Variants in STX12 observed in about 807,000 individuals in gnomAD.
STX12 encodes the protein syntaxin 12.
Under a neutral mutation model 42.2 loss-of-function variants are expected in STX12, and 17 were observed. That is an observed-to-expected ratio of 0.40 (90% confidence interval 0.28 to 0.60). STX12 has a LOEUF of 0.60. Ranked by LOEUF, STX12 falls within the 20% of genes least tolerant of loss-of-function variation. The pLI is 0.39. For missense variants in STX12, 297 were observed against 330.9 expected (o/e 0.90, Z 0.79); for synonymous variants, 108 against 116.7 (o/e 0.93, Z 0.48).
chr1:27,819,680 A>G lies in STX12; in HGVS notation c.680A>G (p.Glu227Gly). 6.2e-7 allele frequency: 1 copy of G among 1,613,942 alleles called. No individual in the cohort carries two copies. Among genetic ancestry groups the G allele is most frequent in the Non-Finnish European group, 8.5e-7 (1 of 1,179,866 alleles). The change falls in exon 8 of 9, where the codon GAG becomes GGG. Residue 227 changes from glutamate to glycine, a missense_variant. Physicochemically the swap from Glu to Gly is moderately conservative, Grantham distance 98. Transcript: ENST00000373943. The stretch of plus-strand genomic sequence containing the variant: ...ATAGAAGCCAATGTGGAAAGCTCAG[A>G]GGTGCACGTCGAAAGAGCCACTGAA... ...DSIEANVESS[E>G]VHVERATEQL... is the part of the protein sequence containing the mutation.
At chr1:27,821,029 TGG>T (rs2088979893) in intron 8 of STX12, among the ~76,000 whole-genome samples, 1 of 81,258 alleles carries the variant, frequency 1.2e-5, no homozygotes, top group Non-Finnish European at 2.3e-5. Flanking sequence ...TGTTGTGGGG[TGG>T]GGGGAGGGAT....
chr1:27,773,485 C>G, intron 1 of STX12, 60 bp downstream of exon 1: 1 of 1,516,082 alleles, frequency 6.6e-7, no homozygotes, highest in Non-Finnish European at 9.1e-7. Context: ...CTGGGTGAGG[C>G]TGCCGGGACG....
chr1:27,792,447 G>A (rs2148600541), intron 2 of STX12, among the ~76,000 whole-genome samples: 1 of 150,700 alleles, frequency 6.6e-6, no homozygotes, highest in East Asian at 1.9e-4. Context: ...TTTTTCCAGG[G>A]AAATGTGAAA....
At chr1:27,802,671 GACAC>G (rs959010360) in intron 4 of STX12, among the ~76,000 whole-genome samples, 81 of 152,292 alleles carry the variant, frequency 5.3e-4, no homozygotes, top group African/African-American at 1.8e-3. Context: ...TCTGTAGAAA[GACAC>G]CTTTATCCTA....
chr1:27,794,880 C>G (rs1391442210), intron 3 of STX12, among the ~76,000 whole-genome samples: 1 of 152,018 alleles, frequency 6.6e-6, no homozygotes, highest in Non-Finnish European at 1.5e-5. Flanking sequence ...CACCACCACA[C>G]GCAGCTAAAT....
At chr1:27,779,957 A>G (rs768512683) in intron 1 of STX12, among the ~76,000 whole-genome samples, 20 of 151,198 alleles carry the variant, frequency 1.3e-4, no homozygotes, top group Non-Finnish European at 2.4e-4. Context: ...ACGCCCGGCT[A>G]ATTTTGTATT....
intron 1 of STX12, among the ~76,000 whole-genome samples, chr1:27,780,905 G>C (rs1383396842): frequency 6.6e-6 from 1 of 151,712 alleles, no homozygotes; most frequent in Non-Finnish European, 1.5e-5. Flanking sequence ...GTAGCAGTGA[G>C]CCGAGATCAC....
At chr1:27,795,878 T>C (rs141801232) in intron 3 of STX12, among the ~76,000 whole-genome samples, 1 of 152,252 alleles carries the variant, frequency 6.6e-6, no homozygotes, top group East Asian at 1.9e-4. Context: ...GCTGCCAAGT[T>C]ACCCATTTCT....
At chr1:27,794,007 TTAA>T in intron 3 of STX12, among the ~76,000 whole-genome samples, 1 of 151,550 alleles carries the variant, frequency 6.6e-6, no homozygotes, top group African/African-American at 2.4e-5. Flanking sequence ...TTTTTTTTTT[TTAA>T]TTATTATTAT....
rs1343204846 is a variant in STX12, at chr1:27,817,000, GAAGGA to G, written c.577-841_577-837del. 1.0e-4 allele frequency among the ~76,000 whole-genome samples: 15 copies of G among 146,356 alleles called. No homozygotes were observed. The South Asian group carries it at 2.7e-3, about 26-fold the overall frequency. ...GAAAAAAGGAAGGAAGGGGAGGGAG[GAAGGA>G]AAGGAAAGGGAAGGGAGAGAGAGAG... On this transcript the variant is annotated intron_variant, in intron 6 of 8. Transcript: ENST00000373943.
At position 27,801,765 on chromosome 1, in the gene STX12, GA is replaced by G; in HGVS notation, c.380del (p.Lys127ArgfsTer81). On this transcript the variant is annotated frameshift_variant, in exon 4 of 9. Coordinates refer to ENST00000373943, the MANE Select transcript of STX12 (RefSeq NM_177424.3). LOFTEE classifies it high-confidence loss of function. ...NFQAVQRRVS[E>X]KEKESIARAR... ...CCAGGCTGTGCAGAGAAGGGTATCTGAAAAGGAAAAGGAGAGTATTGCCAGA... is the reference window on the plus strand; with the variant it reads ...CCAGGCTGTGCAGAGAAGGGTATCTGAAAGGAAAAGGAGAGTATTGCCAGA... 6.3e-7 allele frequency: 1 copy of G among 1,596,568 alleles called. No homozygotes were observed. The highest frequency in any genetic ancestry group is 1.8e-5 in the Admixed American group (1 of 55,988).
intron 3 of STX12, among the ~76,000 whole-genome samples, 159 bp downstream of exon 3, chr1:27,793,791 G>A (rs1225996215): frequency 6.6e-6 from 1 of 152,098 alleles, no homozygotes; most frequent in Non-Finnish European, 1.5e-5. Context: ...ATATGTGACT[G>A]TTGGGGCAAT....
chr1:27,790,943 AAAAAAT>A (rs1278553196), intron 2 of STX12, among the ~76,000 whole-genome samples: 1 of 151,204 alleles, frequency 6.6e-6, no homozygotes, highest in African/African-American at 2.4e-5. Flanking sequence ...CTCTGTCTCA[AAAAAAT>A]AAAAATAAAA....
chr1:27,793,616 T>C lies in STX12; in HGVS notation c.272T>C (p.Leu91Ser), dbSNP rs1356368809. ...LKELGSLPLP[L>S]STSEQRQQRL... ...GAATTAGGGTCCTTGCCCCTTCCCT[T>C]ATCTACTTCAGAACAGGTTGGTATT... Residue 91 changes from leucine to serine, a missense_variant, in exon 3 of 9, where the codon TTA (leucine) becomes TCA (serine). Transcript: ENST00000373943. 1 of 1,613,880 alleles carries C rather than the reference T, an allele frequency of 6.2e-7. No individual in the cohort carries two copies. Among genetic ancestry groups the C allele is most frequent in the South Asian group, 1.1e-5 (1 of 91,084 alleles).
rs550258048 is a variant in STX12 at position 27,778,156 on chromosome 1, G to A, written c.118+4731G>A. Among the ~76,000 whole-genome samples the A allele has an allele frequency of 2.1e-3, 316 of 152,314 alleles. 1 individual carries two copies. The highest frequency in any genetic ancestry group is 7.4e-3 in the African/African-American group (306 of 41,564). ...GTTATTCTTTTTTCTAAACTGTTCA[G>A]CCACAGATGTGGGGTTGGAATTGCT... On this transcript the variant is annotated intron_variant, in intron 1 of 8. Coordinates refer to ENST00000373943, the MANE Select transcript of STX12 (RefSeq NM_177424.3).
intron 1 of STX12, among the ~76,000 whole-genome samples, chr1:27,778,868 T>C (rs768207552): frequency 7.9e-5 from 12 of 152,122 alleles, no homozygotes; most frequent in Non-Finnish European, 1.5e-4. Context: ...TTAGCGATCC[T>C]CTTACTTGAG....
At chr1:27,780,244 C>G (rs2088659239) in intron 1 of STX12, among the ~76,000 whole-genome samples, 1 of 133,758 alleles carries the variant, frequency 7.5e-6, no homozygotes. Flanking sequence ...GAGTCTTGCT[C>G]TGTTTCCCAG....
At chr1:27,810,647 T>A (rs969230829) in intron 5 of STX12, among the ~76,000 whole-genome samples, 7 of 152,308 alleles carry the variant, frequency 4.6e-5, no homozygotes, top group Admixed American at 1.3e-4. Flanking sequence ...AGTTCTTGGG[T>A]CTCTACTCAT....
intron 8 of STX12, among the ~76,000 whole-genome samples, chr1:27,821,586 C>T (rs1354896103): frequency 6.6e-6 from 1 of 151,326 alleles, no homozygotes; most frequent in East Asian, 1.9e-4. Context: ...ATGAACATAA[C>T]AGTTTTATAC....
Sources: allele counts gnomAD v4.1 joint callset (sites outside exome capture counted in the v4.1 genomes callset), GRCh38; gene constraint gnomAD v4.1.1; transcripts MANE v1.5; gene names NCBI Gene and HGNC (gene_info 2026-07-23, HGNC 2026-07-21).